Variants in ANKS1B observed in about 807,000 individuals in gnomAD.
ANKS1B encodes the protein ankyrin repeat and sterile alpha motif domain containing 1B.
Under a neutral mutation model 148.3 loss-of-function variants are expected in ANKS1B, and 36 were observed. The observed-to-expected ratio is 0.24, with a 90% CI of 0.19 to 0.32. The LOEUF (loss-of-function observed/expected upper bound fraction) is 0.32. Ranked by LOEUF, ANKS1B falls within the 10% of genes least tolerant of loss-of-function variation. The pLI is 1.00. For missense variants in ANKS1B, 1,157 were observed against 1,542.6 expected, an observed-to-expected ratio of 0.75 and a Z score of 4.19; for synonymous variants, 542 against 560.8, an observed-to-expected ratio of 0.97 and a Z score of 0.47.
intron 17 of ANKS1B, among the ~76,000 whole-genome samples, chr12:98,888,871 T>C (rs1382117367): frequency 6.6e-6 from 1 of 152,228 alleles, no homozygotes; most frequent in Middle Eastern, 3.2e-3. Context: ...TTCCTTTGTA[T>C]CAATCCTCTC....
At chr12:99,357,126 T>A (rs962690744) in intron 12 of ANKS1B, among the ~76,000 whole-genome samples, 3 of 152,168 alleles carry the variant, frequency 2.0e-5, no homozygotes, top group African/African-American at 7.2e-5. Context: ...ATGTATCTAT[T>A]TATAACACTT....
intron 9 of ANKS1B, among the ~76,000 whole-genome samples, chr12:99,566,819 G>C (rs1222572172): frequency 6.6e-6 from 1 of 152,086 alleles, no homozygotes; most frequent in Admixed American, 6.6e-5. Context: ...AATTTTCTCT[G>C]TCTGTGGTAT....
intron 1 of ANKS1B, among the ~76,000 whole-genome samples, chr12:99,983,708 T>C (rs1024442889): frequency 2.6e-5 from 4 of 152,164 alleles, no homozygotes; most frequent in South Asian, 2.1e-4. Context: ...GGTAATTGCA[T>C]GCACGCAAGA....
intron 8 of ANKS1B, among the ~76,000 whole-genome samples, chr12:99,727,557 A>G (rs1028666721): frequency 4.6e-5 from 7 of 152,240 alleles, no homozygotes; most frequent in African/African-American, 1.7e-4. Flanking sequence ...GAAAATGGCC[A>G]TTCTGCCCAA....
At chr12:98,938,085 C>A (rs1162985938) in intron 17 of ANKS1B, among the ~76,000 whole-genome samples, 1 of 152,106 alleles carries the variant, frequency 6.6e-6, no homozygotes, top group Non-Finnish European at 1.5e-5. Context: ...GACACAGAGC[C>A]AAACCATATT....
Position 99,869,707 on chromosome 12 carries a change from G to A in ANKS1B, c.135-44318C>T, listed in dbSNP as rs137944051. Among the ~76,000 whole-genome samples the A allele has an allele frequency of 3.3e-3, 492 of 149,638 alleles. 2 individuals are homozygous for A. The highest frequency in any genetic ancestry group is 0.012 in the African/African-American group (481 of 40,756). ...AAAAAAAAAAAAAAATTGTACTGCAGAGCCACAGAGAAACAATGATCTTTT... is the reference window on the plus strand; with the variant it reads ...AAAAAAAAAAAAAAATTGTACTGCAAAGCCACAGAGAAACAATGATCTTTT... On this transcript the variant is annotated intron_variant, in intron 1 of 26. Transcript: ENST00000683438.
chr12:99,251,961 C>T (rs887414747), intron 12 of ANKS1B, among the ~76,000 whole-genome samples: 2 of 152,056 alleles, frequency 1.3e-5, no homozygotes, highest in Non-Finnish European at 2.9e-5. Flanking sequence ...ATGGTGCCTA[C>T]ATTCCAGCAG....
intron 17 of ANKS1B, among the ~76,000 whole-genome samples, chr12:98,880,251 G>A (rs1161148007): frequency 6.6e-6 from 1 of 152,114 alleles, no homozygotes; most frequent in Non-Finnish European, 1.5e-5. Flanking sequence ...ACAGGCTCAG[G>A]TATCAAGAGG....
rs192528141 is a variant in ANKS1B, at chr12:99,728,917, T to G, written c.1128+44005A>C. Among the ~76,000 whole-genome samples the G allele has an allele frequency of 4.3e-3, 650 of 152,268 alleles. 5 individuals are homozygous for G. Among genetic ancestry groups the G allele is most frequent in the African/African-American group, 0.014 (595 of 41,550 alleles). ...ACCAAACACCGCATGTTTTCACTCATAAGTGGGAGCTAAACAATGAGAACA... is the reference window on the plus strand; with the variant it reads ...ACCAAACACCGCATGTTTTCACTCAGAAGTGGGAGCTAAACAATGAGAACA... On this transcript the variant is annotated intron_variant, in intron 8 of 26. Transcript: ENST00000683438.
chr12:99,285,949 T>G (rs1602421648), intron 12 of ANKS1B, among the ~76,000 whole-genome samples: 1 of 151,736 alleles, frequency 6.6e-6, no homozygotes, highest in East Asian at 2.0e-4. Context: ...CGCTCTGGAG[T>G]TCTAAATAAA....
chr12:99,453,141 T>A (rs1220120113), intron 10 of ANKS1B, among the ~76,000 whole-genome samples: 2 of 151,826 alleles, frequency 1.3e-5, no homozygotes, highest in Non-Finnish European at 2.9e-5. Flanking sequence ...ATACAAAAAA[T>A]TAGCCAGGCG....
chr12:99,456,133 A>G (rs1436336311), intron 10 of ANKS1B, among the ~76,000 whole-genome samples: 1 of 152,112 alleles, frequency 6.6e-6, no homozygotes, highest in Admixed American at 6.6e-5. Flanking sequence ...ACCAGCCTGG[A>G]GCCCAGTAGC....
chr12:99,643,169 T>C (rs1488657221), intron 9 of ANKS1B, among the ~76,000 whole-genome samples: 1 of 152,196 alleles, frequency 6.6e-6, no homozygotes, highest in Non-Finnish European at 1.5e-5. Flanking sequence ...AATCACATTC[T>C]TCCACATATA....
chr12:99,349,705 G>T (rs1450729055), intron 12 of ANKS1B, among the ~76,000 whole-genome samples: 1 of 151,864 alleles, frequency 6.6e-6, no homozygotes, highest in African/African-American at 2.4e-5. Flanking sequence ...AATGAAGGCA[G>T]AATAAACAGC....
chr12:99,779,651 T>G (rs1265446653), intron 6 of ANKS1B, among the ~76,000 whole-genome samples: 3 of 152,066 alleles, frequency 2.0e-5, no homozygotes, highest in Non-Finnish European at 4.4e-5. Context: ...AATGAGTAAA[T>G]AAATACCTTA....
At chr12:99,747,066 C>T (rs1455716638) in intron 8 of ANKS1B, among the ~76,000 whole-genome samples, 1 of 151,998 alleles carries the variant, frequency 6.6e-6, no homozygotes, top group African/African-American at 2.4e-5. Flanking sequence ...AAAAATGGGA[C>T]CCTTCAAAGG....
chr12:99,877,519 C>G (rs1164458576), intron 1 of ANKS1B, among the ~76,000 whole-genome samples: 1 of 152,148 alleles, frequency 6.6e-6, no homozygotes, highest in African/African-American at 2.4e-5. Context: ...TTTGATAGAA[C>G]CCACATTCTA....
intron 12 of ANKS1B, among the ~76,000 whole-genome samples, chr12:99,335,128 T>C (rs1208566172): frequency 6.6e-6 from 1 of 152,102 alleles, no homozygotes; most frequent in Non-Finnish European, 1.5e-5. Flanking sequence ...TCTTTCTTTT[T>C]TCTATTTACG....
chr12:99,503,745 G>T (rs550764680), intron 10 of ANKS1B, among the ~76,000 whole-genome samples: 3 of 151,282 alleles, frequency 2.0e-5, no homozygotes, highest in African/African-American at 7.3e-5. Context: ...CTATTCAAAA[G>T]TAAGTTGCGA....
Sources: allele counts gnomAD v4.1 joint callset (sites outside exome capture counted in the v4.1 genomes callset), GRCh38; gene constraint gnomAD v4.1.1; transcripts MANE v1.5; gene names NCBI Gene and HGNC (gene_info 2026-07-23, HGNC 2026-07-21).